EYS: variants seen among roughly 807,000 people sequenced by gnomAD.
EYS encodes EGF-like photoreceptor maintenance factor.
EYS carries 250 observed loss-of-function variants against 282.1 expected under a neutral mutation model. The ratio of observed to expected loss-of-function variants is 0.89; its 90% CI spans 0.80 to 0.98. The LOEUF (loss-of-function observed/expected upper bound fraction) is 0.98. Ranked by LOEUF, EYS falls within the 50% of genes least tolerant of loss-of-function variation. The probability of loss-of-function intolerance (pLI) is 0.00; values close to 1 mark genes in which losing one functional copy is unlikely to be tolerated. For missense variants in EYS, 4,016 were observed against 3,709.0 expected, an observed-to-expected ratio of 1.08 and a Z score of -2.15; for synonymous variants, 1,355 against 1,282.9, an observed-to-expected ratio of 1.06 and a Z score of -1.20.
intron 31 of EYS, among the ~76,000 whole-genome samples, chr6:64,174,647 A>G (rs1764574138): frequency 6.6e-6 from 1 of 151,766 alleles, no homozygotes; most frequent in African/African-American, 2.4e-5. Context: ...TACAACATAA[A>G]TGTAAAGATA....
At chr6:65,210,511 T>C (rs945518299) in intron 12 of EYS, among the ~76,000 whole-genome samples, 2 of 152,002 alleles carry the variant, frequency 1.3e-5, no homozygotes, top group Non-Finnish European at 2.9e-5. Flanking sequence ...TTTCAAACAA[T>C]TAAAACAAAG....
intron 22 of EYS, among the ~76,000 whole-genome samples, chr6:64,794,518 T>C (rs1227692236): frequency 6.6e-6 from 1 of 152,160 alleles, no homozygotes; most frequent in Non-Finnish European, 1.5e-5. Flanking sequence ...TACTTCTCCT[T>C]TGCCTTCTGC....
At chr6:64,061,724 C>G (rs1057170307) in intron 33 of EYS, among the ~76,000 whole-genome samples, 1 of 152,166 alleles carries the variant, frequency 6.6e-6, no homozygotes, top group African/African-American at 2.4e-5. Flanking sequence ...CATGGTGGAT[C>G]ATGCCTGTAA....
chr6:64,108,865 T>C (rs752603011), intron 31 of EYS, among the ~76,000 whole-genome samples: 1 of 152,122 alleles, frequency 6.6e-6, no homozygotes, highest in Non-Finnish European at 1.5e-5. Flanking sequence ...GAACTCTCAT[T>C]TGGTGAGAGC....
chr6:63,939,108 A>G (rs1300960220), intron 35 of EYS, among the ~76,000 whole-genome samples: 4 of 151,978 alleles, frequency 2.6e-5, no homozygotes, highest in Non-Finnish European at 4.4e-5. Context: ...TACTTTTCCC[A>G]GACAAGCTTC....
chr6:65,288,460 T>C (rs577550845), intron 12 of EYS, among the ~76,000 whole-genome samples: 29 of 150,764 alleles, frequency 1.9e-4, no homozygotes, highest in Admixed American at 1.5e-3. Context: ...CATATGTATA[T>C]ATGTGTTCAT....
At chr6:65,326,222 T>C (rs1200251596) in intron 11 of EYS, among the ~76,000 whole-genome samples, 2 of 151,982 alleles carry the variant, frequency 1.3e-5, no homozygotes, top group African/African-American at 4.8e-5. Flanking sequence ...CTTCTCAATC[T>C]TGTGTCACGT....
intron 19 of EYS, among the ~76,000 whole-genome samples, chr6:64,828,848 A>C (rs894696484): frequency 3.3e-5 from 5 of 152,082 alleles, no homozygotes; most frequent in Admixed American, 3.3e-4. Flanking sequence ...AGGAAAAATA[A>C]AAAAAGTCTG....
chr6:64,100,305 T>G (rs913645925), intron 31 of EYS, among the ~76,000 whole-genome samples: 1 of 152,214 alleles, frequency 6.6e-6, no homozygotes, highest in Non-Finnish European at 1.5e-5. Context: ...TGCTGTTTAA[T>G]TCACCTTTTA....
chr6:63,843,704 C>T (rs1287206299), intron 36 of EYS, among the ~76,000 whole-genome samples: 1 of 152,134 alleles, frequency 6.6e-6, no homozygotes, highest in Non-Finnish European at 1.5e-5. Context: ...GACAAGGATG[C>T]CCTCTCTATT....
intron 5 of EYS, among the ~76,000 whole-genome samples, chr6:65,411,766 G>C (rs1582258354): frequency 6.8e-6 from 1 of 147,786 alleles, no homozygotes; most frequent in South Asian, 2.1e-4. Context: ...TGTCCCTCTT[G>C]TTATAATGCC....
intron 15 of EYS, among the ~76,000 whole-genome samples, chr6:64,945,265 A>T (rs1204403645): frequency 6.6e-6 from 1 of 152,020 alleles, no homozygotes; most frequent in African/African-American, 2.4e-5. Flanking sequence ...ATACATAAAC[A>T]CCTACTCAGA....
chr6:64,194,120 C>G (rs1215339047), intron 31 of EYS, among the ~76,000 whole-genome samples: 1 of 152,106 alleles, frequency 6.6e-6, no homozygotes, highest in East Asian at 1.9e-4. Context: ...GATCTGCCGC[C>G]TCAGCCTCCC....
chr6:65,332,227 A>AT (rs1213527616), intron 11 of EYS: 1 of 586,414 alleles, frequency 1.7e-6, no homozygotes, highest in Non-Finnish European at 3.1e-6. Context: ...CTGTAATACA[A>AT]TTTTTTTCTC....
chr6:63,901,241 T>C (rs1773650995), intron 35 of EYS, among the ~76,000 whole-genome samples: 1 of 151,748 alleles, frequency 6.6e-6, no homozygotes, highest in Non-Finnish European at 1.5e-5. Flanking sequence ...CAAAGACAAA[T>C]AAAAAATGCA....
At chr6:63,995,354 A>T (rs549430112) in intron 34 of EYS, among the ~76,000 whole-genome samples, 2 of 152,206 alleles carry the variant, frequency 1.3e-5, no homozygotes, top group Non-Finnish European at 2.9e-5. Flanking sequence ...ACAATGAGAT[A>T]TCACTTTATA....
At chr6:65,054,983 TTTA>T (rs1204778820) in intron 13 of EYS, among the ~76,000 whole-genome samples, 1 of 151,838 alleles carries the variant, frequency 6.6e-6, no homozygotes, top group Non-Finnish European at 1.5e-5. Context: ...GTTACTGTTT[TTTA>T]TTTGTTTATT....
At chr6:64,775,434 C>T (rs1010755291) in intron 22 of EYS, among the ~76,000 whole-genome samples, 3 of 151,908 alleles carry the variant, frequency 2.0e-5, no homozygotes, top group Non-Finnish European at 2.9e-5. Context: ...ACTGAACCAC[C>T]GCACGGCAAG....
At chr6:65,185,261 A>G (rs1270542254) in intron 12 of EYS, among the ~76,000 whole-genome samples, 6 of 151,806 alleles carry the variant, frequency 4.0e-5, no homozygotes, top group Admixed American at 3.3e-4. Flanking sequence ...TTGTGACATC[A>G]TGTCCCACCC....
Sources: allele counts gnomAD v4.1 joint callset (sites outside exome capture counted in the v4.1 genomes callset), GRCh38; gene constraint gnomAD v4.1.1; transcripts MANE v1.5; gene names NCBI Gene and HGNC (gene_info 2026-07-23, HGNC 2026-07-21).